CHODL: variants seen among roughly 807,000 people sequenced by gnomAD.
CHODL encodes chondrolectin.
A neutral mutation model predicts 34.5 loss-of-function variants in CHODL; 29 were observed. The observed-to-expected ratio is 0.84, with a 90% CI of 0.63 to 1.15. The LOEUF is 1.15. Ranked by LOEUF, CHODL falls within the 50% of genes most tolerant of loss-of-function variation. The pLI is 0.00. For missense variants in CHODL, 332 were observed against 332.5 expected, an observed-to-expected ratio of 1.00 and a Z score of 0.01; for synonymous variants, 125 against 116.1, an observed-to-expected ratio of 1.08 and a Z score of -0.49.
intron 4 of CHODL, among the ~76,000 whole-genome samples, chr21:18,261,528 G>A (rs925475555): frequency 3.9e-5 from 6 of 151,932 alleles, no homozygotes; most frequent in Non-Finnish European, 5.9e-5. Context: ...TTAGCTGGGC[G>A]TGGTGGCAGG....
intron 2 of CHODL, among the ~76,000 whole-genome samples, chr21:18,033,270 T>C (rs157738): frequency 0.014 from 2,199 of 152,058 alleles, 55 homozygotes; most frequent in African/African-American, 0.05. Context: ...ACTGTGAACA[T>C]AGCAGCTGGT....
intron 2 of CHODL, among the ~76,000 whole-genome samples, chr21:18,103,366 C>T (rs1002381658): frequency 4.6e-5 from 7 of 152,150 alleles, no homozygotes; most frequent in African/African-American, 1.4e-4. Flanking sequence ...GATATTAAAA[C>T]AATCAGAGTT....
intron 1 of CHODL, among the ~76,000 whole-genome samples, chr21:17,938,633 C>T (rs903054453): frequency 6.6e-6 from 1 of 151,912 alleles, no homozygotes; most frequent in Non-Finnish European, 1.5e-5. Flanking sequence ...CGCCCGCCAC[C>T]GCGCCTGGCT....
intron 2 of CHODL, among the ~76,000 whole-genome samples, chr21:18,109,578 G>A (rs181911775): frequency 2.6e-4 from 40 of 152,192 alleles, no homozygotes; most frequent in East Asian, 1.9e-3. Context: ...CTGTAGTCCT[G>A]TCTGCTGTTT....
chr21:17,975,129 G>A (rs540846351), intron 1 of CHODL, among the ~76,000 whole-genome samples: 2 of 152,064 alleles, frequency 1.3e-5, no homozygotes, highest in South Asian at 4.2e-4. Context: ...AGTTCAAGAC[G>A]AGCCTGGCCA....
intron 1 of CHODL, among the ~76,000 whole-genome samples, chr21:17,979,158 G>A (rs1220932450): frequency 1.3e-5 from 2 of 152,162 alleles, no homozygotes. Context: ...GCCACGTAAT[G>A]TAGCATATTC....
intron 2 of CHODL, among the ~76,000 whole-genome samples, chr21:18,152,020 G>GTGTT (rs1196467182): frequency 4.2e-4 from 62 of 147,472 alleles, no homozygotes; most frequent in Admixed American, 4.2e-3. Context: ...GTGTGTGTGT[G>GTGTT]TGTGTTTGTG....
intron 2 of CHODL, among the ~76,000 whole-genome samples, chr21:18,081,542 A>C (rs947904307): frequency 6.6e-6 from 1 of 152,064 alleles, no homozygotes; most frequent in African/African-American, 2.4e-5. Flanking sequence ...TTAGCCAGGC[A>C]TGGTGATGCG....
chr21:17,995,262 A>G (rs1278904131), intron 1 of CHODL, among the ~76,000 whole-genome samples: 2 of 152,114 alleles, frequency 1.3e-5, no homozygotes, highest in African/African-American at 2.4e-5. Context: ...ATGTCTTCTC[A>G]TGGATTCCAG....
chr21:18,266,331 A>G lies in CHODL; in HGVS notation c.*293A>G. 2.7e-6 allele frequency: 2 copies of G among 751,914 alleles called. No individual in the cohort carries two copies. Among genetic ancestry groups the G allele is most frequent in the African/African-American group, 1.8e-5 (1 of 56,640 alleles). The allele number at this position is 751,914 out of a possible 1,614,324, so 46.6% of individuals were successfully genotyped here. The stretch of plus-strand genomic sequence containing the variant: ...ATAAAGTTGTTATCAACACGTCGGG[A>G]GTATGTGTGTTAGAAGCAATTCCTT... On this transcript the variant is annotated 3_prime_UTR_variant, in exon 6 of 6. Coordinates refer to ENST00000299295, the MANE Select transcript of CHODL (RefSeq NM_024944.3).
intron 4 of CHODL, among the ~76,000 whole-genome samples, chr21:18,261,360 T>A (rs1350382432): frequency 3.6e-4 from 49 of 137,832 alleles, no homozygotes; most frequent in African/African-American, 1.1e-3. Flanking sequence ...TAAAGTATGA[T>A]AAAAAAAAAA....
Position 18,208,118 on chromosome 21 carries a change from A to G in CHODL, c.-44-48391A>G, listed in dbSNP as rs141680983. Among the ~76,000 whole-genome samples, 606 of 149,388 alleles carry G rather than the reference A, an allele frequency of 4.1e-3. 19 individuals are homozygous for G. The South Asian group carries it at 0.093, about 23-fold the overall frequency. On this transcript the variant is annotated intron_variant, in intron 2 of 6. Transcript: ENST00000400127. The stretch of plus-strand genomic sequence containing the variant: ...AATTAGATTAAGATTTACTGTTTTG[A>G]GTTTATTTCTAGATTTTGCAGGTGT...
intron 1 of CHODL, among the ~76,000 whole-genome samples, chr21:18,247,338 A>G (rs1024681536): frequency 2.0e-5 from 3 of 152,142 alleles, no homozygotes; most frequent in Non-Finnish European, 4.4e-5. Flanking sequence ...ATATATTTCT[A>G]TTTGTTAAAT....
chr21:18,095,849 A>G (rs1340568375), intron 2 of CHODL, among the ~76,000 whole-genome samples: 1 of 152,200 alleles, frequency 6.6e-6, no homozygotes. Context: ...ATGGTTCAAC[A>G]TATGCGAAAC....
At chr21:18,050,566 G>T (rs549468639) in intron 2 of CHODL, among the ~76,000 whole-genome samples, 1 of 151,944 alleles carries the variant, frequency 6.6e-6, no homozygotes, top group Admixed American at 6.6e-5. Context: ...CATTTGAAGG[G>T]TAGGAATGAC....
intron 1 of CHODL, among the ~76,000 whole-genome samples, chr21:17,933,446 A>C (rs2063292444): frequency 6.6e-6 from 1 of 152,198 alleles, no homozygotes; most frequent in Non-Finnish European, 1.5e-5. Context: ...ATGACTCTTA[A>C]AGAGCATGCT....
chr21:18,053,800 A>G (rs566026872), intron 2 of CHODL, among the ~76,000 whole-genome samples: 13 of 152,032 alleles, frequency 8.6e-5, no homozygotes, highest in African/African-American at 2.9e-4. Context: ...AGGCAGCCTC[A>G]TGTAAGACTG....
At chr21:18,059,038 C>T (rs1026807630) in intron 2 of CHODL, among the ~76,000 whole-genome samples, 7 of 152,112 alleles carry the variant, frequency 4.6e-5, no homozygotes, top group African/African-American at 7.2e-5. Flanking sequence ...TAGGTTAAAG[C>T]CCTTATACCC....
chr21:18,116,592 AG>A (rs150487065), intron 2 of CHODL, among the ~76,000 whole-genome samples: 94 of 152,352 alleles, frequency 6.2e-4, no homozygotes, highest in Non-Finnish European at 1.2e-3. Flanking sequence ...GATAGACTAA[AG>A]GATCCCTAAC....
Sources: gnomAD v4.1 joint callset for allele counts (sites outside exome capture counted in the v4.1 genomes callset) on GRCh38, gnomAD v4.1.1 for gene constraint, MANE v1.5 for transcripts, NCBI Gene and HGNC (gene_info 2026-07-23, HGNC 2026-07-21) for gene names.